The following BFAR variants were observed in gnomAD, a reference collection of about 807,000 sequenced individuals.
The protein encoded by BFAR is bifunctional apoptosis regulator, also known as RING finger protein 47.
BFAR carries 52 observed loss-of-function variants against 54.4 expected under a neutral mutation model. The observed-to-expected ratio is 0.96, with a 90% CI of 0.77 to 1.21. The LOEUF is 1.21. Among genes scored for constraint, BFAR ranks in the 50% most tolerant of loss-of-function variants. BFAR has a pLI of 0.00. For missense variants in BFAR, 571 were observed against 534.0 expected (o/e 1.07, Z -0.68); for synonymous variants, 215 against 204.3 (o/e 1.05, Z -0.45).
chr16:14,665,049 A>G lies in BFAR; in HGVS notation c.1138A>G (p.Ile380Val). ...SVLELFSFWR[I>V]WSRSELKTVP... is the part of the protein sequence containing the mutation. ...TCTGGAATTATTCTCCTTTTGGAGA[A>G]TCTGGTCGAGAAGTGAACTGAAGTA... The change falls in exon 7 of 8, where the codon ATC becomes GTC. Residue 380 changes from isoleucine to valine, a missense_variant. Physicochemically the swap from Ile to Val is conservative, Grantham distance 29 (BLOSUM62 3). Coordinates refer to ENST00000261658, the MANE Select transcript of BFAR (RefSeq NM_016561.3). 1 of 1,613,762 alleles carries G rather than the reference A, an allele frequency of 6.2e-7. No homozygotes were observed. Among genetic ancestry groups the G allele is most frequent in the Non-Finnish European group, 8.5e-7 (1 of 1,179,656 alleles).
At chr16:14,653,118 C>A (rs1960021959) in intron 4 of BFAR, among the ~76,000 whole-genome samples, 1 of 152,110 alleles carries the variant, frequency 6.6e-6, no homozygotes, top group Non-Finnish European at 1.5e-5. Context: ...AGGACAAATT[C>A]CTGGAACTGG....
chr16:14,635,091 T>G (rs1333857478), intron 1 of BFAR, among the ~76,000 whole-genome samples: 2 of 152,230 alleles, frequency 1.3e-5, no homozygotes, highest in East Asian at 3.9e-4. Context: ...TCCCTGCACT[T>G]TGGGATGCCA....
chr16:14,646,686 CAG>C (rs1401121413), intron 2 of BFAR, among the ~76,000 whole-genome samples: 1 of 151,220 alleles, frequency 6.6e-6, no homozygotes, highest in Non-Finnish European at 1.5e-5. Context: ...TTCGTAGAGA[CAG>C]AGTTTCTCCA....
chr16:14,640,743 A>G (rs1284442685), intron 1 of BFAR, among the ~76,000 whole-genome samples: 2 of 152,182 alleles, frequency 1.3e-5, no homozygotes, highest in Non-Finnish European at 2.9e-5. Flanking sequence ...AGTGTGTCGC[A>G]CATTAACACC....
At chr16:14,664,562 C>T (rs571507535) in intron 6 of BFAR, among the ~76,000 whole-genome samples, 5 of 151,980 alleles carry the variant, frequency 3.3e-5, no homozygotes, top group Admixed American at 1.3e-4. Context: ...TGCAGTGGTG[C>T]GATCTCAACT....
intron 1 of BFAR, among the ~76,000 whole-genome samples, chr16:14,634,175 G>C (rs910513552): frequency 6.6e-6 from 1 of 152,170 alleles, no homozygotes; most frequent in African/African-American, 2.4e-5. Context: ...TTGATGTCAT[G>C]CTCCAAATCG....
chr16:14,649,499 G>T (rs985546071), intron 3 of BFAR, among the ~76,000 whole-genome samples: 3 of 152,198 alleles, frequency 2.0e-5, no homozygotes, highest in Admixed American at 2.0e-4. Context: ...GCACAAGTCA[G>T]TTATGTTGAG....
At chr16:14,644,634 C>A (rs1411599724) in intron 2 of BFAR, 25 bp downstream of exon 2, 1 of 1,593,972 alleles carries the variant, frequency 6.3e-7, no homozygotes. Context: ...ATATTGGTAG[C>A]ACAAACAGCC....
intron 5 of BFAR, among the ~76,000 whole-genome samples, chr16:14,657,400 C>G (rs935658136): frequency 1.3e-5 from 2 of 151,840 alleles, no homozygotes; most frequent in African/African-American, 4.8e-5. Context: ...AGGCGCCCAC[C>G]ACCGTGCCCG....
In BFAR at chr16:14,644,492, G is replaced by A; in HGVS notation, c.146G>A (p.Cys49Tyr). 6.2e-7 allele frequency: 1 copy of A among 1,614,026 alleles called. No homozygotes were observed. The highest frequency in any genetic ancestry group is 1.3e-5 in the African/African-American group (1 of 75,004). ...CTGGTTAACCCCACCACCTTGAACT[G>A]TGGGCACAGCTTCTGCCGTCACTGC... is the stretch of plus-strand genomic sequence containing the variant. ...DILVNPTTLN[C>Y]GHSFCRHCLA... is the part of the protein sequence containing the mutation. The change falls in exon 2 of 8, where the codon TGT becomes TAT. Residue 49 changes from cysteine to tyrosine, a missense_variant. Coordinates refer to ENST00000261658, the MANE Select transcript of BFAR (RefSeq NM_016561.3).
Position 14,649,789 on chromosome 16 carries a change from G to A in BFAR, c.469-15G>A. The A allele has an allele frequency of 6.3e-7, 1 of 1,580,774 alleles. No individual in the cohort carries two copies. The highest frequency in any genetic ancestry group is 8.6e-7 in the Non-Finnish European group (1 of 1,159,798). ...TGCCTCTCCATGGTTTAAAGTCCCTGTCACTTTTCCCCAGGTGGTCCTGCT... is the reference window on the plus strand; with the variant it reads ...TGCCTCTCCATGGTTTAAAGTCCCTATCACTTTTCCCCAGGTGGTCCTGCT... On this transcript the variant is annotated splice_polypyrimidine_tract_variant and intron_variant, in intron 3 of 7. Coordinates refer to ENST00000261658, the MANE Select transcript of BFAR (RefSeq NM_016561.3).
chr16:14,665,399 A>T (rs767787740), intron 7 of BFAR, among the ~76,000 whole-genome samples: 4 of 152,228 alleles, frequency 2.6e-5, no homozygotes, highest in Non-Finnish European at 5.9e-5. Flanking sequence ...GTTTTAAGGT[A>T]GGCAGGCCTG....
At position 14,667,892 on chromosome 16, in the gene BFAR, G is replaced by A; in HGVS notation, c.*65G>A. ...CGTCTGAGCTTTGATGCTTAAGAGG[G>A]GTGAGGCAGGGAGCGGACTTCCTAT... On this transcript the variant is annotated 3_prime_UTR_variant, in exon 8 of 8. Transcript: ENST00000261658. 6.7e-7 allele frequency: 1 copy of A among 1,498,900 alleles called. No individual in the cohort carries two copies. The highest frequency in any genetic ancestry group is 1.2e-5 in the South Asian group (1 of 85,500). 92.9% of individuals were successfully genotyped at this position (1,498,900 alleles called of 1,614,324 possible).
At chr16:14,653,263 G>T (rs1020004547) in intron 4 of BFAR, among the ~76,000 whole-genome samples, 2 of 152,134 alleles carry the variant, frequency 1.3e-5, no homozygotes, top group African/African-American at 4.8e-5. Flanking sequence ...CCAGCTTACA[G>T]TGATGTTTTT....
chr16:14,637,707 T>G (rs1389282314), intron 1 of BFAR, among the ~76,000 whole-genome samples: 1 of 151,886 alleles, frequency 6.6e-6, no homozygotes, highest in South Asian at 2.1e-4. Context: ...CGCCTGCTTG[T>G]AATCCCAGCT....
intron 1 of BFAR, among the ~76,000 whole-genome samples, chr16:14,637,280 G>C (rs923037984): frequency 3.3e-5 from 5 of 152,138 alleles, no homozygotes; most frequent in African/African-American, 9.7e-5. Flanking sequence ...GAGTAAATCA[G>C]TCCTTTGAAC....
chr16:14,639,932 G>A (rs1959569961), intron 1 of BFAR, among the ~76,000 whole-genome samples: 1 of 151,968 alleles, frequency 6.6e-6, no homozygotes, highest in Non-Finnish European at 1.5e-5. Context: ...GTCGCGGTAG[G>A]CAGATTGCTT....
intron 5 of BFAR, among the ~76,000 whole-genome samples, chr16:14,658,971 G>A (rs1233325214): frequency 1.3e-5 from 2 of 150,980 alleles, no homozygotes; most frequent in Non-Finnish European, 2.9e-5. Context: ...GCAATGGCGC[G>A]ATCTCAGCTC....
rs183742659 is a variant in BFAR, at chr16:14,659,843, G to A, written c.784-2049G>A. Among the ~76,000 whole-genome samples the A allele has an allele frequency of 1.6e-4, 25 of 152,196 alleles. 1 individual carries two copies. The East Asian group carries it at 3.7e-3, about 22-fold the overall frequency. On this transcript the variant is annotated intron_variant, in intron 5 of 7. Transcript: ENST00000261658. ...CTGGGATTACAGGCTGAGCCACCAC[G>A]CCCGGTCTCTATAGTATACATTTCT...
Sources: allele counts gnomAD v4.1 joint callset (sites outside exome capture counted in the v4.1 genomes callset), GRCh38; gene constraint gnomAD v4.1.1; transcripts MANE v1.5; gene names NCBI Gene and HGNC (gene_info 2026-07-23, HGNC 2026-07-21).